EPS15: variants seen among roughly 807,000 people sequenced by gnomAD.
EPS15 encodes the protein epidermal growth factor receptor substrate 15.
Under a neutral mutation model 113.8 loss-of-function variants are expected in EPS15, and 72 were observed. The ratio of observed to expected loss-of-function variants is 0.63; its 90% confidence interval spans 0.52 to 0.77. The LOEUF is 0.77. Ranked by LOEUF, EPS15 falls within the 30% of genes least tolerant of loss-of-function variation. The probability of loss-of-function intolerance (pLI) is 0.00; values close to 1 mark genes in which losing one functional copy is unlikely to be tolerated. For missense variants in EPS15, 1,048 were observed against 1,045.8 expected (o/e 1.00, Z -0.03); for synonymous variants, 344 against 363.4 (o/e 0.95, Z 0.61).
intron 11 of EPS15, among the ~76,000 whole-genome samples, chr1:51,441,815 A>G (rs1197429983): frequency 6.6e-6 from 1 of 152,164 alleles, no homozygotes; most frequent in Non-Finnish European, 1.5e-5. Context: ...TTTAATCAAG[A>G]GTCTTCCGAT....
intron 12 of EPS15, chr1:51,423,201 C>T: frequency 7.8e-7 from 1 of 1,288,680 alleles, no homozygotes; most frequent in Non-Finnish European, 1.0e-6. Context: ...CCAAGGAGCT[C>T]ACTAACCGTT....
chr1:51,372,189 C>T (rs1646672822), intron 21 of EPS15: 3 of 414,968 alleles, frequency 7.2e-6, no homozygotes, highest in African/African-American at 2.1e-5. Flanking sequence ...ATTAAGTAGT[C>T]TTCACAGGAG....
intron 13 of EPS15, 38 bp from the exon 14 acceptor site, chr1:51,409,734 C>A: frequency 4.9e-6 from 7 of 1,437,746 alleles, no homozygotes; most frequent in South Asian, 1.2e-5. Flanking sequence ...ATTTTCTTTG[C>A]GGGCAGGGGA....
intron 22 of EPS15, 42 bp from the exon 23 acceptor site, chr1:51,364,070 A>G (rs1448971779): frequency 2.4e-5 from 35 of 1,465,078 alleles, no homozygotes; most frequent in Non-Finnish European, 3.3e-5. Context: ...TATACCAAGC[A>G]AATTGTGGTA....
In EPS15 at chr1:51,496,919, G is replaced by A. The variant is rs150806462; in HGVS notation, c.34-15605C>T. The stretch of plus-strand genomic sequence containing the variant: ...TGTGACATATGACAGTGGACACTTC[G>A]ATTCTGAGTTCTAGAATTTTTTTCA... On this transcript the variant is annotated intron_variant, in intron 1 of 24. Transcript: ENST00000371733. Among the ~76,000 whole-genome samples the A allele has an allele frequency of 4.1e-3, 620 of 152,164 alleles. 6 individuals carry two copies. Among genetic ancestry groups the A allele is most frequent in the African/African-American group, 0.014 (600 of 41,520 alleles).
intron 1 of EPS15, among the ~76,000 whole-genome samples, chr1:51,487,027 T>A (rs1367776179): frequency 6.6e-6 from 1 of 152,176 alleles, no homozygotes; most frequent in East Asian, 1.9e-4. Flanking sequence ...TAGCAAAATT[T>A]TTCCTGAGCT....
intron 24 of EPS15, among the ~76,000 whole-genome samples, chr1:51,358,385 T>C (rs1169857947): frequency 6.6e-6 from 1 of 152,238 alleles, no homozygotes; most frequent in Non-Finnish European, 1.5e-5. Flanking sequence ...AATTATTATG[T>C]TGGGGAAATA....
At chr1:51,374,802 C>G (rs1646747299) in intron 21 of EPS15, among the ~76,000 whole-genome samples, 1 of 151,720 alleles carries the variant, frequency 6.6e-6, no homozygotes, top group African/African-American at 2.4e-5. Flanking sequence ...CTCTCAGGTT[C>G]AAGAGATTCT....
At chr1:51,477,644 G>T (rs1643935087) in intron 2 of EPS15, among the ~76,000 whole-genome samples, 1 of 152,002 alleles carries the variant, frequency 6.6e-6, no homozygotes, top group South Asian at 2.1e-4. Context: ...AGAGGTTCTG[G>T]TATGTTGTGT....
At chr1:51,395,492 G>A (rs975342923) in intron 20 of EPS15, among the ~76,000 whole-genome samples, 1 of 151,630 alleles carries the variant, frequency 6.6e-6, no homozygotes, top group Non-Finnish European at 1.5e-5. Flanking sequence ...CTGACCCTCA[G>A]AGAGAAAACA....
At chr1:51,508,338 G>GAAAAAGAAAGAA (rs745757925) in intron 1 of EPS15, among the ~76,000 whole-genome samples, 1 of 122,248 alleles carries the variant, frequency 8.2e-6, no homozygotes, top group Non-Finnish European at 1.7e-5. Flanking sequence ...AAGAGAAAGA[G>GAAAAAGAAAGAA]AGAAAGAAAG....
At chr1:51,431,837 A>T (rs905054142) in intron 12 of EPS15, among the ~76,000 whole-genome samples, 27 of 152,190 alleles carry the variant, frequency 1.8e-4, no homozygotes, top group Non-Finnish European at 3.4e-4. Flanking sequence ...ACAGAAAAGA[A>T]ATATAAAACG....
chr1:51,421,205 A>G (rs1248322887), intron 13 of EPS15, among the ~76,000 whole-genome samples: 1 of 152,152 alleles, frequency 6.6e-6, no homozygotes, highest in Non-Finnish European at 1.5e-5. Context: ...GTAAAATGAA[A>G]CAATTTAACA....
chr1:51,360,021 A>C (rs544444551), intron 24 of EPS15, among the ~76,000 whole-genome samples: 3 of 152,182 alleles, frequency 2.0e-5, no homozygotes, highest in African/African-American at 7.2e-5. Context: ...CTGGGACTAC[A>C]GGTGCTTAAA....
chr1:51,430,706 AAC>A (rs1557462093), intron 12 of EPS15, among the ~76,000 whole-genome samples: 1 of 152,156 alleles, frequency 6.6e-6, no homozygotes, highest in African/African-American at 2.4e-5. Context: ...CTGTAATCTG[AAC>A]ACTTTGGGAG....
intron 2 of EPS15, among the ~76,000 whole-genome samples, chr1:51,474,391 A>G (rs1430491825): frequency 6.6e-6 from 1 of 152,188 alleles, no homozygotes; most frequent in Non-Finnish European, 1.5e-5. Flanking sequence ...CTGACATCAC[A>G]CTACTTTCAG....
intron 3 of EPS15, 51 bp downstream of exon 3, chr1:51,472,808 A>G (rs1655333979): frequency 3.0e-6 from 4 of 1,345,040 alleles, no homozygotes; most frequent in Non-Finnish European, 4.3e-6. Flanking sequence ...GTTCATCTAT[A>G]GTACACATTC....
chr1:51,402,391 C>CTT, intron 18 of EPS15, 44 bp downstream of exon 18: 7 of 1,054,208 alleles, frequency 6.6e-6, no homozygotes, highest in Middle Eastern at 3.0e-4. Flanking sequence ...ATTAAAAAGT[C>CTT]TTTTTTTTGG....
At chr1:51,455,993 T>G (rs1469105572) in intron 8 of EPS15, among the ~76,000 whole-genome samples, 1 of 152,068 alleles carries the variant, frequency 6.6e-6, no homozygotes, top group Non-Finnish European at 1.5e-5. Flanking sequence ...TTCTGGATTT[T>G]TAATTAAACT....
Sources: allele counts gnomAD v4.1 joint callset (sites outside exome capture counted in the v4.1 genomes callset), GRCh38; gene constraint gnomAD v4.1.1; transcripts MANE v1.5; gene names NCBI Gene and HGNC (gene_info 2026-07-23, HGNC 2026-07-21).